Variants in CALCR observed in about 807,000 individuals in gnomAD.
The protein encoded by CALCR is calcitonin receptor.
CALCR carries 47 observed loss-of-function variants against 59.5 expected under a neutral mutation model. The ratio of observed to expected loss-of-function variants is 0.79; its 90% confidence interval spans 0.63 to 1.01. CALCR has a LOEUF of 1.01. Ranked by LOEUF, CALCR falls within the 50% of genes least tolerant of loss-of-function variation. The probability of loss-of-function intolerance (pLI) is 0.00; values close to 1 mark genes in which losing one functional copy is unlikely to be tolerated. For missense variants in CALCR, 566 were observed against 597.1 expected (o/e 0.95, Z 0.54); for synonymous variants, 213 against 211.3 (o/e 1.01, Z -0.07).
chr7:93,548,856 GTGTGTGTGTGTGTGTGTGTGTGTC>G (rs1178870987), intron 2 of CALCR, among the ~76,000 whole-genome samples: 3 of 135,214 alleles, frequency 2.2e-5, no homozygotes, highest in Admixed American at 7.4e-5. Flanking sequence ...GTGTGTGTGT[GTGTGTGTGTGTGTGTGTGTGTGTC>G]TGTGTGTGTG....
At chr7:93,463,056 C>T (rs1800371221) in intron 7 of CALCR, among the ~76,000 whole-genome samples, 1 of 151,720 alleles carries the variant, frequency 6.6e-6, no homozygotes, top group Non-Finnish European at 1.5e-5. Context: ...GAGCTGTGAC[C>T]ACTAAGCAAT....
At chr7:93,508,199 CATAAG>C (rs1801468839) in intron 2 of CALCR, among the ~76,000 whole-genome samples, 1 of 152,164 alleles carries the variant, frequency 6.6e-6, no homozygotes, top group Non-Finnish European at 1.5e-5. Context: ...CAAATGTTGA[CATAAG>C]ATAATTCTAA....
intron 3 of CALCR, among the ~76,000 whole-genome samples, chr7:93,486,665 T>C (rs943435271): frequency 2.6e-5 from 4 of 151,538 alleles, no homozygotes; most frequent in Non-Finnish European, 3.0e-5. Context: ...TAAGATAATA[T>C]GGAGATGTCT....
intron 4 of CALCR, among the ~76,000 whole-genome samples, 183 bp from the exon 5 acceptor site, chr7:93,477,851 C>T (rs1186956236): frequency 6.7e-6 from 1 of 150,128 alleles, no homozygotes; most frequent in African/African-American, 2.4e-5. Flanking sequence ...ATATCTGTGA[C>T]CAAATTATCT....
intron 8 of CALCR, 48 bp downstream of exon 8, chr7:93,460,773 A>C (rs771909535): frequency 7.0e-7 from 1 of 1,429,942 alleles, no homozygotes; most frequent in East Asian, 2.4e-5. Flanking sequence ...ATTTACAGGT[A>C]CTATATCCTT....
intron 2 of CALCR, among the ~76,000 whole-genome samples, chr7:93,569,367 G>A (rs991457401): frequency 6.6e-6 from 1 of 151,984 alleles, no homozygotes; most frequent in African/African-American, 2.4e-5. Flanking sequence ...AACCCTGCTG[G>A]GGCAACAAAA....
At chr7:93,501,743 GC>G (rs1801325710) in intron 2 of CALCR, among the ~76,000 whole-genome samples, 1 of 152,082 alleles carries the variant, frequency 6.6e-6, no homozygotes, top group Admixed American at 6.6e-5. Context: ...CAGAATTTAT[GC>G]AAAGTCAATG....
chr7:93,465,460 T>A (rs1584557402), intron 7 of CALCR, among the ~76,000 whole-genome samples: 2 of 152,018 alleles, frequency 1.3e-5, no homozygotes, highest in East Asian at 3.9e-4. Context: ...TCATTCCAAT[T>A]TTTTCTGCGA....
At chr7:93,538,955 TC>T (rs554741532) in intron 2 of CALCR, among the ~76,000 whole-genome samples, 17 of 152,254 alleles carry the variant, frequency 1.1e-4, no homozygotes, top group African/African-American at 3.6e-4. Flanking sequence ...TGAAACAGAA[TC>T]CTCTAGAGTT....
chr7:93,487,026 A>C lies in CALCR; in HGVS notation c.-26-19T>G. The C allele has an allele frequency of 7.7e-7, 1 of 1,292,358 alleles. No homozygotes were observed. The highest frequency in any genetic ancestry group is 1.1e-6 in the Non-Finnish European group (1 of 899,604). The allele number at this position is 1,292,358 out of a possible 1,614,324, so 80.1% of individuals were successfully genotyped here. A position where few individuals can be genotyped will look rare whatever the true frequency, so the allele number is the denominator to read the frequency against. ...CTTTGTCCTAGAAAAATATAAAAGC[A>C]ACAAAGACTAAAATTAATATATCTC... On this transcript the variant is annotated intron_variant, in intron 2 of 13. Coordinates refer to ENST00000426151, the MANE Select transcript of CALCR (RefSeq NM_001742.4).
intron 2 of CALCR, among the ~76,000 whole-genome samples, chr7:93,513,573 C>A (rs543363421): frequency 2.2e-4 from 33 of 152,076 alleles, no homozygotes; most frequent in African/African-American, 7.9e-4. Context: ...TTAAACTTTG[C>A]AGATGGCATC....
At chr7:93,509,799 A>C (rs62466843) in intron 2 of CALCR, among the ~76,000 whole-genome samples, 2 of 152,146 alleles carry the variant, frequency 1.3e-5, no homozygotes, top group Non-Finnish European at 2.9e-5. Context: ...ATATTATGAA[A>C]ATCTAAATAC....
intron 2 of CALCR, among the ~76,000 whole-genome samples, chr7:93,560,072 G>A (rs1435464875): frequency 6.6e-6 from 1 of 152,004 alleles, no homozygotes; most frequent in African/African-American, 2.4e-5. Context: ...GGACCCTAAT[G>A]AGTATGTTAC....
intron 2 of CALCR, among the ~76,000 whole-genome samples, chr7:93,535,476 G>T (rs1788960020): frequency 6.6e-6 from 1 of 151,614 alleles, no homozygotes; most frequent in South Asian, 2.1e-4. Flanking sequence ...TAAGTATGAG[G>T]ATGACATAAC....
intron 3 of CALCR, chr7:93,484,085 T>A (rs886114017): frequency 4.4e-6 from 2 of 453,296 alleles, no homozygotes; most frequent in African/African-American, 4.0e-5. Flanking sequence ...TTTGAGTGCC[T>A]CTCACATGTC....
At chr7:93,445,066 A>G (rs1799983304) in intron 8 of CALCR, among the ~76,000 whole-genome samples, 1 of 152,086 alleles carries the variant, frequency 6.6e-6, no homozygotes, top group African/African-American at 2.4e-5. Flanking sequence ...TGGGCCCAGG[A>G]GAAGGCAGAT....
chr7:93,573,799 G>A lies in CALCR; in HGVS notation c.-27+490C>T, dbSNP rs115212873. The stretch of plus-strand genomic sequence containing the variant: ...TGGCTGCTATGCATAAATGATTGTT[G>A]GAAAACTATTCTCTGTAAAACATGA... On this transcript the variant is annotated intron_variant, in intron 2 of 13. Transcript: ENST00000426151. 1.3e-3 allele frequency among the ~76,000 whole-genome samples: 198 copies of A among 152,220 alleles called. 1 individual carries two copies. The highest frequency in any genetic ancestry group is 4.5e-3 in the African/African-American group (186 of 41,536).
intron 2 of CALCR, among the ~76,000 whole-genome samples, chr7:93,492,905 T>C (rs545524118): frequency 1.3e-5 from 2 of 151,402 alleles, no homozygotes; most frequent in South Asian, 2.1e-4. Flanking sequence ...CATATGGATC[T>C]AGGAAAACTT....
intron 2 of CALCR, among the ~76,000 whole-genome samples, chr7:93,514,932 C>T (rs1331764084): frequency 6.6e-6 from 1 of 151,958 alleles, no homozygotes; most frequent in Non-Finnish European, 1.5e-5. Flanking sequence ...AAGGTAATCT[C>T]ATGCTCATGC....
Sources: allele counts gnomAD v4.1 joint callset (sites outside exome capture counted in the v4.1 genomes callset), GRCh38; gene constraint gnomAD v4.1.1; transcripts MANE v1.5; gene names NCBI Gene and HGNC (gene_info 2026-07-23, HGNC 2026-07-21).